VTI1B: variants seen among roughly 807,000 people sequenced by gnomAD.
VTI1B encodes the protein vesicle transport through interaction with t-SNAREs 1B, also known as vesicle transport through interaction with t-SNAREs homolog 1B.
Under a neutral mutation model 28.6 loss-of-function variants are expected in VTI1B, and 18 were observed. The observed-to-expected ratio is 0.63, with a 90% CI of 0.43 to 0.93. The LOEUF (loss-of-function observed/expected upper bound fraction) is 0.93. Ranked by LOEUF, VTI1B falls within the 40% of genes least tolerant of loss-of-function variation. VTI1B has a pLI of 0.00. For missense variants in VTI1B, 283 were observed against 297.0 expected (o/e 0.95, Z 0.35); for synonymous variants, 100 against 107.9 (o/e 0.93, Z 0.46).
chr14:67,651,817 G>C, intron 5 of VTI1B: 1 of 226,298 alleles, frequency 4.4e-6, no homozygotes, highest in Non-Finnish European at 8.8e-6. Flanking sequence ...GCTCAGGATG[G>C]GTCCTGCCCT....
chr14:67,658,422 G>A (rs59421018), intron 3 of VTI1B, among the ~76,000 whole-genome samples: 13,653 of 151,882 alleles, frequency 0.09, 867 homozygotes, highest in East Asian at 0.23. Context: ...GTGAAACCCC[G>A]TCTCTACTAA....
chr14:67,657,751 CTTTT>C (rs548633018), intron 3 of VTI1B, among the ~76,000 whole-genome samples: 5 of 115,124 alleles, frequency 4.3e-5, no homozygotes, highest in East Asian at 5.0e-4. Context: ...TTCTTTCTTT[CTTTT>C]TTTTTTTTTT....
In VTI1B at chr14:67,648,174, C is replaced by T; in HGVS notation, c.*3211G>A. 6.2e-7 allele frequency: 1 copy of T among 1,613,802 alleles called. No homozygotes were observed. The highest frequency in any genetic ancestry group is 8.5e-7 in the Non-Finnish European group (1 of 1,179,826). On this transcript the variant is annotated 3_prime_UTR_variant, in exon 6 of 6. Coordinates refer to ENST00000554659, the MANE Select transcript of VTI1B (RefSeq NM_006370.3). ...AGGCATGTATATTGCTGAGGAAATA[C>T]ACAATACAGGTATGTAGCAACCAGG... is the stretch of plus-strand genomic sequence containing the variant.
chr14:67,651,834 A>C (rs1393041396), intron 5 of VTI1B: 2 of 190,734 alleles, frequency 1.0e-5, no homozygotes, highest in African/African-American at 4.7e-5. Context: ...CCCTAGGATA[A>C]GTAACTAGAA....
intron 1 of VTI1B, among the ~76,000 whole-genome samples, chr14:67,662,866 G>T (rs2037355106): frequency 7.1e-6 from 1 of 139,910 alleles, no homozygotes; most frequent in African/African-American, 2.7e-5. Flanking sequence ...TTGCGCCATT[G>T]CACTCCAGCC....
At position 67,656,451 on chromosome 14, in the gene VTI1B, C is replaced by A; in HGVS notation, c.505G>T (p.Glu169Ter). The change falls in exon 4 of 6, where the codon GAA becomes TAA. Residue 169 changes from glutamate (E) to a stop codon, truncating the protein, a stop_gained. Transcript: ENST00000554659. LOFTEE classifies it high-confidence loss of function. The part of the protein sequence containing the change: ...IGSEIIEELG[E>*]QRDQLERTKS... ...GTACGTTCTAACTGGTCTCGTTGTT[C>A]CCCCAGCTCTTCTATGATTTCTGAG... 6.2e-7 allele frequency: 1 copy of A among 1,613,310 alleles called. No homozygotes were observed. Among genetic ancestry groups the A allele is most frequent in the Non-Finnish European group, 8.5e-7 (1 of 1,179,568 alleles).
intron 1 of VTI1B, among the ~76,000 whole-genome samples, chr14:67,670,688 CCAGCTA>C (rs2037454841): frequency 6.6e-6 from 1 of 152,102 alleles, no homozygotes; most frequent in Admixed American, 6.6e-5. Context: ...GCCACCACAC[CCAGCTA>C]ATTTTTGTAT....
chr14:67,662,609 G>A (rs2037351658), intron 1 of VTI1B, 74 bp from the exon 2 acceptor site: 20 of 1,353,624 alleles, frequency 1.5e-5, no homozygotes, highest in Non-Finnish European at 1.8e-5. Context: ...CCTCTGCTTC[G>A]AATAAGCTTC....
At position 67,651,372 on chromosome 14, in the gene VTI1B, T is replaced by C. The variant is rs374547962; in HGVS notation, c.*13A>G. 6 of 1,613,400 alleles carry C rather than the reference T, an allele frequency of 3.7e-6. No homozygotes were observed. In the African/African-American group the frequency reaches 8.0e-5, roughly 22 times the overall value. The stretch of plus-strand genomic sequence containing the variant: ...GTCAAAGTTCTGGTCCACAAACCCT[T>C]CCCTATAGAAGTTCAATGGCTGCGA... On this transcript the variant is annotated 3_prime_UTR_variant, in exon 6 of 6. Transcript: ENST00000554659.
intron 1 of VTI1B, among the ~76,000 whole-genome samples, chr14:67,664,210 C>T (rs1458068095): frequency 6.6e-6 from 1 of 152,094 alleles, no homozygotes; most frequent in Non-Finnish European, 1.5e-5. Context: ...ACATTCACAC[C>T]GTTGTGGAGC....
At position 67,651,052 on chromosome 14, in the gene VTI1B, G is replaced by A. The variant is rs569744591; in HGVS notation, c.*333C>T. On this transcript the variant is annotated 3_prime_UTR_variant, in exon 6 of 6. Coordinates refer to ENST00000554659, the MANE Select transcript of VTI1B (RefSeq NM_006370.3). ...AGAACATTTACACATTCTCACAATT[G>A]TAAAGTTTCCCCTCTATTTTGGTGA... The A allele has an allele frequency of 9.0e-7, 1 of 1,106,190 alleles. No homozygotes were observed. The highest frequency in any genetic ancestry group is 1.5e-5 in the South Asian group (1 of 65,852). 68.5% of individuals were successfully genotyped at this position (1,106,190 alleles called of 1,614,324 possible).
At chr14:67,670,032 C>T (rs1171969399) in intron 1 of VTI1B, among the ~76,000 whole-genome samples, 1 of 152,176 alleles carries the variant, frequency 6.6e-6, no homozygotes, top group Non-Finnish European at 1.5e-5. Flanking sequence ...GAAGCCAAGG[C>T]TGCAGTGAGC....
intron 1 of VTI1B, among the ~76,000 whole-genome samples, chr14:67,669,931 T>C (rs932340417): frequency 2.6e-5 from 4 of 151,910 alleles, no homozygotes; most frequent in African/African-American, 4.8e-5. Context: ...AGACCCTTAC[T>C]AAAAATACAA....
Position 67,647,929 on chromosome 14 carries a change from C to A in VTI1B, c.*3456G>T. ...GGAAATGTATTAACAGCTTTATTAA[C>A]AAAGTACTAGGACTAATAGCAACAA... On this transcript the variant is annotated 3_prime_UTR_variant, in exon 6 of 6. Coordinates refer to ENST00000554659, the MANE Select transcript of VTI1B (RefSeq NM_006370.3). 1.0e-6 allele frequency: 1 copy of A among 988,108 alleles called. No homozygotes were observed. The highest frequency in any genetic ancestry group is 1.5e-6 in the Non-Finnish European group (1 of 687,938). The allele number at this position is 988,108 out of a possible 1,614,324, so 61.2% of individuals were successfully genotyped here.
intron 1 of VTI1B, among the ~76,000 whole-genome samples, chr14:67,671,252 G>T (rs573955557): frequency 6.6e-6 from 1 of 152,064 alleles, no homozygotes. Context: ...GTGGTTGGGC[G>T]CAGTGGCTCA....
chr14:67,672,611 T>A (rs1473087685), intron 1 of VTI1B, among the ~76,000 whole-genome samples: 3 of 151,606 alleles, frequency 2.0e-5, no homozygotes, highest in Non-Finnish European at 2.9e-5. Context: ...CCCGGCTAAT[T>A]TTTGTATTTT....
intron 1 of VTI1B, among the ~76,000 whole-genome samples, chr14:67,673,025 T>C (rs528058424): frequency 6.6e-6 from 1 of 152,334 alleles, no homozygotes; most frequent in South Asian, 2.1e-4. Context: ...TCTGGTTTAC[T>C]CCCTCACTTC....
intron 4 of VTI1B, among the ~76,000 whole-genome samples, chr14:67,654,182 C>A (rs2037224428): frequency 6.6e-6 from 1 of 152,220 alleles, no homozygotes; most frequent in Non-Finnish European, 1.5e-5. Context: ...TCGCAGCTCA[C>A]TGCAGCCTCG....
In VTI1B at chr14:67,674,357, G is replaced by A; in HGVS notation, c.115+18C>T. The stretch of plus-strand genomic sequence containing the variant: ...CGCAGGGCTGCGCTCCCCACGGCGT[G>A]GCCCACCCCCGCCTCACCGGTCCCC... On this transcript the variant is annotated intron_variant, in intron 1 of 5. Transcript: ENST00000554659. 1 of 1,573,354 alleles carries A rather than the reference G, an allele frequency of 6.4e-7. No individual in the cohort carries two copies. The highest frequency in any genetic ancestry group is 8.6e-7 in the Non-Finnish European group (1 of 1,161,500).
Sources: allele counts gnomAD v4.1 joint callset (sites outside exome capture counted in the v4.1 genomes callset), GRCh38; gene constraint gnomAD v4.1.1; transcripts MANE v1.5; gene names NCBI Gene and HGNC (gene_info 2026-07-23, HGNC 2026-07-21).